The following ACTR3B variants were observed in gnomAD, a reference collection of about 807,000 sequenced individuals.
ACTR3B encodes the protein actin related protein 3B.
Under a neutral mutation model 59.0 loss-of-function variants are expected in ACTR3B, and 8 were observed. The ratio of observed to expected loss-of-function variants is 0.14; its 90% CI spans 0.08 to 0.24. The LOEUF (loss-of-function observed/expected upper bound fraction) is 0.24. ACTR3B is among the 10% of genes least tolerant of loss of function. The pLI, the probability that ACTR3B is intolerant of heterozygous loss-of-function variation, is 1.00. For synonymous variants in ACTR3B, 148 were observed against 197.9 expected (o/e 0.75, Z 2.12); for missense variants, 245 against 552.3 (o/e 0.44, Z 5.58).
intron 4 of ACTR3B, among the ~76,000 whole-genome samples, chr7:152,806,653 G>A (rs2098252911): frequency 6.6e-6 from 1 of 152,140 alleles, no homozygotes; most frequent in Non-Finnish European, 1.5e-5. Context: ...GAAGGAGGAG[G>A]GTGTTAAGGG....
intron 9 of ACTR3B, among the ~76,000 whole-genome samples, chr7:152,829,409 C>T (rs1040457877): frequency 1.3e-5 from 2 of 152,212 alleles, no homozygotes; most frequent in Non-Finnish European, 2.9e-5. Flanking sequence ...GTGAGTTTGA[C>T]TAAAAATTCA....
At chr7:152,771,556 G>A (rs1387508876) in intron 1 of ACTR3B, among the ~76,000 whole-genome samples, 2 of 152,218 alleles carry the variant, frequency 1.3e-5, no homozygotes, top group Admixed American at 1.3e-4. Context: ...TTAGAGAGAA[G>A]ATTGAAGCTG....
intron 9 of ACTR3B, among the ~76,000 whole-genome samples, chr7:152,830,636 C>T (rs1454934096): frequency 1.3e-5 from 2 of 152,292 alleles, no homozygotes; most frequent in South Asian, 2.1e-4. Flanking sequence ...GCAGCCTCGA[C>T]CTCCTGGGCT....
At chr7:152,780,579 A>C (rs2098149387) in intron 1 of ACTR3B, among the ~76,000 whole-genome samples, 2 of 151,966 alleles carry the variant, frequency 1.3e-5, no homozygotes, top group Admixed American at 1.3e-4. Context: ...TTGTGAGCCT[A>C]ACAGTGCTCA....
In ACTR3B at chr7:152,823,181, A is replaced by T. The variant is rs535915165; in HGVS notation, c.685-161A>T. Among the ~76,000 whole-genome samples, 589 of 152,304 alleles carry T rather than the reference A, an allele frequency of 3.9e-3. 3 individuals carry two copies. The highest frequency in any genetic ancestry group is 0.038 in the South Asian group (183 of 4,818). ...AGTGTAACCATGTCTAACATGAAAG[A>T]CGATGGAATGTGAGGCTTGATGCAT... On this transcript the variant is annotated intron_variant, in intron 7 of 11. Coordinates refer to ENST00000256001, the MANE Select transcript of ACTR3B (RefSeq NM_020445.6).
At chr7:152,837,720 G>T (rs563039768) in intron 9 of ACTR3B, among the ~76,000 whole-genome samples, 3 of 152,362 alleles carry the variant, frequency 2.0e-5, no homozygotes, top group Admixed American at 2.0e-4. Flanking sequence ...AAATTGGATT[G>T]TGTGTTGGTA....
At chr7:152,853,700 C>A in intron 11 of ACTR3B, 123 bp downstream of exon 11, 1 of 792,382 alleles carries the variant, frequency 1.3e-6, no homozygotes, top group South Asian at 1.7e-5. Flanking sequence ...ACAGACCATT[C>A]TGTAAGATAT....
chr7:152,818,931 A>G (rs1795931156), intron 6 of ACTR3B, among the ~76,000 whole-genome samples: 2 of 152,230 alleles, frequency 1.3e-5, no homozygotes, highest in African/African-American at 4.8e-5. Flanking sequence ...GTGAAAATAC[A>G]TTTAAGAAGT....
intron 5 of ACTR3B, 142 bp from the exon 6 acceptor site, chr7:152,816,337 CAG>C (rs562155418): frequency 2.9e-4 from 179 of 616,906 alleles, no homozygotes; most frequent in African/African-American, 2.8e-3. Context: ...ATTTGAGGGA[CAG>C]GGGTTAGAGG....
chr7:152,764,286 A>C (rs3107859), intron 1 of ACTR3B, among the ~76,000 whole-genome samples: 1 of 152,098 alleles, frequency 6.6e-6, no homozygotes, highest in South Asian at 2.1e-4. Context: ...GGATTACAGG[A>C]GTGAGGCACT....
At chr7:152,830,026 A>G (rs957719989) in intron 9 of ACTR3B, among the ~76,000 whole-genome samples, 9 of 152,238 alleles carry the variant, frequency 5.9e-5, no homozygotes, top group Non-Finnish European at 1.0e-4. Flanking sequence ...CTCTAATGGG[A>G]ACCACTACAA....
intron 7 of ACTR3B, among the ~76,000 whole-genome samples, chr7:152,821,081 A>T (rs1796110948): frequency 1.3e-5 from 2 of 152,074 alleles, no homozygotes; most frequent in Non-Finnish European, 2.9e-5. Context: ...GCAGTTGGGT[A>T]TGACCTGCCC....
intron 10 of ACTR3B, 115 bp downstream of exon 10, chr7:152,852,366 G>A (rs553681103): frequency 5.3e-6 from 7 of 1,311,792 alleles, no homozygotes; most frequent in East Asian, 5.0e-5. Context: ...AAAAACAAGT[G>A]TTCATCGCTT....
intron 2 of ACTR3B, among the ~76,000 whole-genome samples, chr7:152,788,411 G>GTTTT (rs1194612264): frequency 3.1e-5 from 4 of 130,828 alleles, no homozygotes; most frequent in African/African-American, 3.1e-5. Context: ...ATGTTCTAAA[G>GTTTT]TTTTTTTTTT....
At chr7:152,789,051 A>C (rs1386118031) in intron 2 of ACTR3B, among the ~76,000 whole-genome samples, 1 of 99,416 alleles carries the variant, frequency 1.0e-5, no homozygotes, top group African/African-American at 3.1e-5. Context: ...CAACAACAAC[A>C]AACAGCAACA....
At chr7:152,829,953 T>C (rs2116901860) in intron 9 of ACTR3B, among the ~76,000 whole-genome samples, 1 of 152,328 alleles carries the variant, frequency 6.6e-6, no homozygotes, top group South Asian at 2.1e-4. Context: ...GATTTAAGTA[T>C]GTACGAGATG....
In ACTR3B at chr7:152,759,894, C is replaced by T. The variant is rs2117083232; in HGVS notation, c.12C>T (p.Ser4=). The T allele has an allele frequency of 7.3e-7, 1 of 1,374,182 alleles. No individual in the cohort carries two copies. 85.1% of individuals were successfully genotyped at this position (1,374,182 alleles called of 1,614,324 possible). A position where few individuals can be genotyped will look rare whatever the true frequency, so the allele number is the denominator to read the frequency against. The change falls in exon 1 of 12, where the codon TCC becomes TCT. Residue 4 remains serine (S), a synonymous_variant. Coordinates refer to ENST00000256001, the MANE Select transcript of ACTR3B (RefSeq NM_020445.6). MAG[S]LPPCVVDCGT... ...CGCGCGTCCCGAGCATGGCAGGCTC[C>T]CTGCCTCCCTGCGTGGTGGACTGTG...
At chr7:152,833,744 G>T (rs1027191331) in intron 9 of ACTR3B, among the ~76,000 whole-genome samples, 1 of 152,172 alleles carries the variant, frequency 6.6e-6, no homozygotes, top group Non-Finnish European at 1.5e-5. Flanking sequence ...AGATGAATGG[G>T]TTACGTGTGG....
chr7:152,818,599 C>T (rs1488434353), intron 6 of ACTR3B, among the ~76,000 whole-genome samples: 5 of 152,154 alleles, frequency 3.3e-5, no homozygotes, highest in East Asian at 1.9e-4. Context: ...TACAGGCATG[C>T]GCCACCATGC....
Sources: allele counts gnomAD v4.1 joint callset (sites outside exome capture counted in the v4.1 genomes callset), GRCh38; gene constraint gnomAD v4.1.1; transcripts MANE v1.5; gene names NCBI Gene and HGNC (gene_info 2026-07-23, HGNC 2026-07-21).